Variants in NCAM2 observed in about 807,000 individuals in gnomAD.
NCAM2 encodes the protein neural cell adhesion molecule 2.
A neutral mutation model predicts 98.1 loss-of-function variants in NCAM2; 30 were observed. The ratio of observed to expected loss-of-function variants is 0.31; its 90% CI spans 0.23 to 0.41. The LOEUF is 0.41. Ranked by LOEUF, NCAM2 falls within the 10% of genes least tolerant of loss-of-function variation. NCAM2 has a pLI of 1.00. For synonymous variants in NCAM2, 368 were observed against 342.4 expected (o/e 1.07, Z -0.83); for missense variants, 867 against 1,005.8 (o/e 0.86, Z 1.87).
intron 1 of NCAM2, among the ~76,000 whole-genome samples, chr21:21,137,936 C>CGG (rs1336164111): frequency 1.7e-5 from 2 of 119,844 alleles, no homozygotes; most frequent in Non-Finnish European, 3.5e-5. Context: ...GAAGGTGACA[C>CGG]TGGATTTGTG....
rs2075977703 is a variant in NCAM2, at chr21:21,374,003, T to C, written c.1185T>C (p.Leu395=). The C allele has an allele frequency of 6.2e-7, 1 of 1,603,800 alleles. No individual in the cohort carries two copies. Among genetic ancestry groups the C allele is most frequent in the Non-Finnish European group, 8.5e-7 (1 of 1,175,978 alleles). ...GAGGGCATCAAAAGAGCATGTACCT[T>C]GATATTGAATGTAAGTTACTTTCCT... ...RIGGHQKSMY[L]DIEYAPKFIS... is the part of the protein sequence containing the mutation. The change falls in exon 9 of 18, where the codon CTT becomes CTC. Residue 395 remains leucine (L), a synonymous_variant. Coordinates refer to ENST00000400546, the MANE Select transcript of NCAM2 (RefSeq NM_004540.5).
intron 5 of NCAM2, among the ~76,000 whole-genome samples, chr21:21,307,291 G>A (rs1296542684): frequency 1.3e-5 from 2 of 151,884 alleles, no homozygotes; most frequent in East Asian, 1.9e-4. Flanking sequence ...ATTTTAGTAC[G>A]TGGTTTTCAG....
At chr21:21,456,630 C>G (rs1356917083) in intron 12 of NCAM2, among the ~76,000 whole-genome samples, 1 of 152,052 alleles carries the variant, frequency 6.6e-6, no homozygotes, top group African/African-American at 2.4e-5. Flanking sequence ...AAAGGTAAAA[C>G]CTGAGCCCAT....
intron 1 of NCAM2, among the ~76,000 whole-genome samples, chr21:20,999,092 C>T (rs1384244045): frequency 6.7e-6 from 1 of 149,700 alleles, no homozygotes; most frequent in Non-Finnish European, 1.5e-5. Context: ...TTTTTTTTTT[C>T]CACCCCTTTC....
intron 1 of NCAM2, among the ~76,000 whole-genome samples, chr21:21,172,409 C>A (rs2068154424): frequency 6.6e-6 from 1 of 151,972 alleles, no homozygotes; most frequent in Admixed American, 6.6e-5. Context: ...TTTTAAATGT[C>A]TTTTTTCCTA....
intron 9 of NCAM2, among the ~76,000 whole-genome samples, chr21:21,409,502 C>G (rs2076813487): frequency 6.6e-6 from 1 of 152,000 alleles, no homozygotes; most frequent in African/African-American, 2.4e-5. Flanking sequence ...GATTTCATAC[C>G]TGAGTCTTCA....
chr21:21,455,980 C>T (rs912197133), intron 12 of NCAM2, among the ~76,000 whole-genome samples: 2 of 151,840 alleles, frequency 1.3e-5, no homozygotes, highest in African/African-American at 4.8e-5. Context: ...ATTAAAAATT[C>T]TTTCAAAATA....
chr21:21,167,984 T>C (rs1268489153), intron 1 of NCAM2, among the ~76,000 whole-genome samples: 1 of 152,030 alleles, frequency 6.6e-6, no homozygotes, highest in Non-Finnish European at 1.5e-5. Flanking sequence ...TAATACTAAA[T>C]TACATGAAGA....
At chr21:21,437,474 C>CTGTGTGTGTGTGTGTGTGTGTG (rs3990174) in intron 12 of NCAM2, among the ~76,000 whole-genome samples, 2,283 of 144,454 alleles carry the variant, frequency 0.016, 39 homozygotes, top group African/African-American at 0.033. Flanking sequence ...CACCAAGATT[C>CTGTGTGTGTGTGTGTGTGTGTG]TGTGTGTGTG....
At chr21:21,148,079 GCT>G (rs1420278031) in intron 1 of NCAM2, among the ~76,000 whole-genome samples, 1 of 151,906 alleles carries the variant, frequency 6.6e-6, no homozygotes, top group Non-Finnish European at 1.5e-5. Context: ...TCCTATTCAG[GCT>G]CTCAATGTAT....
intron 1 of NCAM2, among the ~76,000 whole-genome samples, chr21:21,045,868 G>A (rs1291332362): frequency 6.6e-6 from 1 of 152,138 alleles, no homozygotes; most frequent in Non-Finnish European, 1.5e-5. Context: ...TGTCTTTCAA[G>A]ACTATTCTCT....
intron 11 of NCAM2, among the ~76,000 whole-genome samples, chr21:21,428,237 A>C (rs2077257473): frequency 6.6e-6 from 1 of 152,234 alleles, no homozygotes; most frequent in African/African-American, 2.4e-5. Flanking sequence ...AGACACTAGA[A>C]AATAGTTTAG....
chr21:21,491,560 A>G (rs1368614287), intron 15 of NCAM2, among the ~76,000 whole-genome samples: 1 of 151,774 alleles, frequency 6.6e-6, no homozygotes, highest in African/African-American at 2.4e-5. Flanking sequence ...ATTAGCTTTT[A>G]TAGTGTAAAA....
intron 12 of NCAM2, among the ~76,000 whole-genome samples, chr21:21,439,549 C>T (rs993941238): frequency 2.0e-4 from 31 of 152,062 alleles, no homozygotes; most frequent in African/African-American, 7.2e-4. Flanking sequence ...TTTTATATAC[C>T]TTTTTTTCCT....
intron 1 of NCAM2, among the ~76,000 whole-genome samples, chr21:21,056,891 T>C (rs2086253417): frequency 6.6e-6 from 1 of 152,112 alleles, no homozygotes; most frequent in Non-Finnish European, 1.5e-5. Flanking sequence ...GAAACTAAAC[T>C]CTTGAGCCTT....
Position 21,509,029 on chromosome 21 carries a change from A to C in NCAM2, c.2256A>C (p.Glu752Asp), listed in dbSNP as rs200071566. Residue 752 changes from glutamate to aspartate, a missense_variant, in exon 16 of 18, where the codon GAA becomes GAC. Glu to Asp is a conservative substitution (Grantham distance 45). Coordinates refer to ENST00000400546, the MANE Select transcript of NCAM2 (RefSeq NM_004540.5). ...GTGGCTCCAGTGGCAAAAGTAAAGA[A>C]CTCGAAGAAGGAAAAGCTGCATACC... ...KKSGSSGKSK[E>D]LEEGKAAYLK... 9.5e-5 allele frequency: 153 copies of C among 1,612,672 alleles called. 1 individual carries two copies. Among genetic ancestry groups the C allele is most frequent in the Middle Eastern group, 3.3e-4 (2 of 6,040 alleles).
chr21:21,287,435 CTT>C (rs2073141969), intron 4 of NCAM2, among the ~76,000 whole-genome samples: 1 of 151,880 alleles, frequency 6.6e-6, no homozygotes, highest in Non-Finnish European at 1.5e-5. Flanking sequence ...AGAAATAACA[CTT>C]TATTTCCTCT....
intron 1 of NCAM2, among the ~76,000 whole-genome samples, chr21:21,127,289 A>C (rs998801810): frequency 6.6e-6 from 1 of 151,940 alleles, no homozygotes; most frequent in Admixed American, 6.6e-5. Context: ...CTGAAATGGA[A>C]CATTTGCAAG....
chr21:21,466,277 C>T (rs1983668096), intron 12 of NCAM2, among the ~76,000 whole-genome samples: 1 of 151,882 alleles, frequency 6.6e-6, no homozygotes, highest in African/African-American at 2.4e-5. Flanking sequence ...AGAATATATG[C>T]ATTTTAGCAT....
Sources: allele counts gnomAD v4.1 joint callset (sites outside exome capture counted in the v4.1 genomes callset), GRCh38; gene constraint gnomAD v4.1.1; transcripts MANE v1.5; gene names NCBI Gene and HGNC (gene_info 2026-07-23, HGNC 2026-07-21).